LRMDA: variants seen among roughly 807,000 people sequenced by gnomAD.
LRMDA encodes the protein leucine-rich melanocyte differentiation-associated protein.
LRMDA carries 18 observed loss-of-function variants against 29.8 expected under a neutral mutation model. The observed-to-expected ratio is 0.60, with a 90% CI of 0.42 to 0.90. The LOEUF (loss-of-function observed/expected upper bound fraction) is 0.90, where lower values mean the gene tolerates loss of function less well. LRMDA is among the 40% of genes least tolerant of loss of function. The pLI is 0.00. For synonymous variants in LRMDA, 125 were observed against 109.4 expected (o/e 1.14, Z -0.89); for missense variants, 273 against 273.9 (o/e 1.00, Z 0.02).
chr10:75,569,353 G>C (rs1840409164), intron 2 of LRMDA, among the ~76,000 whole-genome samples: 1 of 152,148 alleles, frequency 6.6e-6, no homozygotes, highest in African/African-American at 2.4e-5. Flanking sequence ...GGCTAAAAAA[G>C]CATGTAAAAT....
At chr10:75,527,140 T>C (rs1845422886) in intron 2 of LRMDA, among the ~76,000 whole-genome samples, 1 of 152,214 alleles carries the variant, frequency 6.6e-6, no homozygotes, top group Admixed American at 6.5e-5. Flanking sequence ...TGTGGTATTT[T>C]GTGTCTGGCT....
chr10:76,189,541 C>T (rs1851208740), intron 5 of LRMDA, among the ~76,000 whole-genome samples: 1 of 152,068 alleles, frequency 6.6e-6, no homozygotes, highest in Non-Finnish European at 1.5e-5. Context: ...TGAAATCTCA[C>T]TTTTGAAAAG....
chr10:76,410,298 CT>C (rs1172213249), intron 6 of LRMDA, among the ~76,000 whole-genome samples: 3,340 of 66,404 alleles, frequency 0.05, 5 homozygotes, highest in East Asian at 0.09. Flanking sequence ...CACTTTCTTT[CT>C]TTTTTTTTTT....
intron 6 of LRMDA, among the ~76,000 whole-genome samples, chr10:76,342,224 T>G (rs1841050625): frequency 6.6e-6 from 1 of 152,158 alleles, no homozygotes; most frequent in African/African-American, 2.4e-5. Flanking sequence ...TCTAGTACTC[T>G]TACATTTCAA....
intron 2 of LRMDA, among the ~76,000 whole-genome samples, chr10:75,860,682 TACTAACAAAC>T (rs1167421025): frequency 6.6e-6 from 1 of 152,184 alleles, no homozygotes; most frequent in Non-Finnish European, 1.5e-5. Context: ...TACATTTTAT[TACTAACAAAC>T]ATTGGAACGC....
At chr10:75,755,691 G>T (rs1589189211) in intron 2 of LRMDA, among the ~76,000 whole-genome samples, 1 of 152,246 alleles carries the variant, frequency 6.6e-6, no homozygotes, top group African/African-American at 2.4e-5. Flanking sequence ...AAGAAAGCAA[G>T]CAATGCAAAG....
chr10:76,152,598 C>A (rs536895451), intron 5 of LRMDA, among the ~76,000 whole-genome samples: 1 of 152,078 alleles, frequency 6.6e-6, no homozygotes, highest in Admixed American at 6.5e-5. Context: ...TTTTGGGGAA[C>A]CACCCAGCTG....
chr10:76,379,208 C>T (rs902194947), intron 6 of LRMDA, among the ~76,000 whole-genome samples: 37 of 111,140 alleles, frequency 3.3e-4, no homozygotes, highest in African/African-American at 1.0e-3. Context: ...TGTGTCCTTG[C>T]CTGGCTTTGG....
intron 2 of LRMDA, among the ~76,000 whole-genome samples, chr10:75,930,957 C>T (rs1203708653): frequency 6.6e-6 from 1 of 152,174 alleles, no homozygotes; most frequent in African/African-American, 2.4e-5. Context: ...GTTATTAGAA[C>T]ATTCTACCAG....
At chr10:76,388,679 G>A (rs1452869334) in intron 6 of LRMDA, among the ~76,000 whole-genome samples, 2 of 152,178 alleles carry the variant, frequency 1.3e-5, no homozygotes, top group Non-Finnish European at 2.9e-5. Flanking sequence ...AAGGGGACAC[G>A]GATACCACCT....
At chr10:75,594,108 A>C (rs546207407) in intron 2 of LRMDA, among the ~76,000 whole-genome samples, 1 of 152,312 alleles carries the variant, frequency 6.6e-6, no homozygotes, top group South Asian at 2.1e-4. Context: ...CTCTTCTCAA[A>C]GTGTTGATTG....
At chr10:75,661,548 G>C (rs977887108) in intron 2 of LRMDA, among the ~76,000 whole-genome samples, 1 of 152,128 alleles carries the variant, frequency 6.6e-6, no homozygotes, top group Non-Finnish European at 1.5e-5. Context: ...GAGAACCAAG[G>C]TCCTCCCTCC....
chr10:76,285,604 GT>G (rs1840262221), intron 5 of LRMDA, among the ~76,000 whole-genome samples: 1 of 152,024 alleles, frequency 6.6e-6, no homozygotes, highest in Admixed American at 6.6e-5. Context: ...ATTATTCCAG[GT>G]TTTATGCCCC....
intron 2 of LRMDA, among the ~76,000 whole-genome samples, chr10:75,796,459 T>C (rs1414466459): frequency 1.3e-5 from 2 of 152,246 alleles, no homozygotes; most frequent in African/African-American, 4.8e-5. Flanking sequence ...ATTAATAATA[T>C]GGTAAAAGCA....
chr10:76,523,101 C>T (rs1358808953), intron 6 of LRMDA, among the ~76,000 whole-genome samples: 1 of 132,072 alleles, frequency 7.6e-6, no homozygotes, highest in Non-Finnish European at 1.7e-5. Context: ...GTCATACTGA[C>T]CATTGATTTT....
At chr10:76,323,231 G>A (rs1043022241) in intron 5 of LRMDA, among the ~76,000 whole-genome samples, 10 of 152,130 alleles carry the variant, frequency 6.6e-5, no homozygotes, top group Admixed American at 3.3e-4. Context: ...ACTGAAAGCC[G>A]CTTAGTCAAA....
At chr10:76,184,409 A>G (rs1000654719) in intron 5 of LRMDA, among the ~76,000 whole-genome samples, 25 of 152,166 alleles carry the variant, frequency 1.6e-4, no homozygotes, top group African/African-American at 5.8e-4. Flanking sequence ...GGTGTATCCA[A>G]TTAGAAGTTG....
intron 2 of LRMDA, among the ~76,000 whole-genome samples, chr10:75,921,588 G>T (rs1306619346): frequency 6.6e-6 from 1 of 152,154 alleles, no homozygotes; most frequent in Non-Finnish European, 1.5e-5. Flanking sequence ...AGTTGAAGTA[G>T]AAAAAAGCTT....
chr10:75,883,839 A>G (rs1363747681), intron 2 of LRMDA, among the ~76,000 whole-genome samples: 2 of 151,056 alleles, frequency 1.3e-5, no homozygotes, highest in Non-Finnish European at 2.9e-5. Flanking sequence ...AATGAAGGAG[A>G]TGACATGAGG....
Sources: gnomAD v4.1 joint callset for allele counts (sites outside exome capture counted in the v4.1 genomes callset) on GRCh38, gnomAD v4.1.1 for gene constraint, MANE v1.5 for transcripts, NCBI Gene and HGNC (gene_info 2026-07-23, HGNC 2026-07-21) for gene names.